The following LDLRAD4 variants were observed in gnomAD, a reference collection of about 807,000 sequenced individuals.
LDLRAD4 encodes the protein low density lipoprotein receptor class A domain containing 4.
Under a neutral mutation model 17.0 loss-of-function variants are expected in LDLRAD4, and 5 were observed. That is an observed-to-expected ratio of 0.29 (90% CI 0.15 to 0.62). The LOEUF is 0.62. Among genes scored for constraint, LDLRAD4 ranks in the 20% least tolerant of loss-of-function variants. LDLRAD4 has a pLI of 0.84. For missense variants in LDLRAD4, 340 were observed against 424.7 expected (o/e 0.80, Z 1.75); for synonymous variants, 168 against 171.8 (o/e 0.98, Z 0.17).
chr18:13,502,747 T>C (rs1026020038), intron 3 of LDLRAD4, among the ~76,000 whole-genome samples: 1 of 152,206 alleles, frequency 6.6e-6, no homozygotes, highest in South Asian at 2.1e-4. Flanking sequence ...GGACGTGATC[T>C]GTCTATGAAA....
At chr18:13,478,397 C>T (rs999474345) in intron 3 of LDLRAD4, among the ~76,000 whole-genome samples, 3 of 152,224 alleles carry the variant, frequency 2.0e-5, no homozygotes, top group Non-Finnish European at 2.9e-5. Flanking sequence ...TTCTGAACAT[C>T]AACTGGGTTC....
intron 1 of LDLRAD4, among the ~76,000 whole-genome samples, chr18:13,258,590 T>C (rs941743373): frequency 6.6e-6 from 1 of 152,226 alleles, no homozygotes; most frequent in African/African-American, 2.4e-5. Flanking sequence ...ATCTATTGAG[T>C]GTGAACCAAA....
At chr18:13,505,328 G>A (rs2093673649) in intron 3 of LDLRAD4, among the ~76,000 whole-genome samples, 1 of 152,106 alleles carries the variant, frequency 6.6e-6, no homozygotes, top group Non-Finnish European at 1.5e-5. Flanking sequence ...CAGTAATGTG[G>A]GACCATAAAA....
intron 3 of LDLRAD4, among the ~76,000 whole-genome samples, chr18:13,507,834 G>A (rs9952677): frequency 0.023 from 3,526 of 152,206 alleles, 156 homozygotes; most frequent in African/African-American, 0.081. Flanking sequence ...TAACCCTACC[G>A]TGGCCTCTAT....
chr18:13,300,031 G>T lies in LDLRAD4; in HGVS notation c.-383+21843G>T, dbSNP rs1599230870. On this transcript the variant is annotated intron_variant, in intron 1 of 5. Transcript: ENST00000359446. This position sits in a 1 kb window ranked among gnomAD's most constrained non-coding sequence, Gnocchi z 4.2. ...CACATCAGCCTCTCATGGCTCAGTT[G>T]CTGGCTTTGTGTGAACACAGAGACA... Among the ~76,000 whole-genome samples the T allele has an allele frequency of 6.6e-6, 1 of 152,296 alleles. No individual in the cohort carries two copies. Among genetic ancestry groups the T allele is most frequent in the African/African-American group, 2.4e-5 (1 of 41,570 alleles).
At chr18:13,268,305 C>G (rs1263186779) in intron 1 of LDLRAD4, among the ~76,000 whole-genome samples, 1 of 152,202 alleles carries the variant, frequency 6.6e-6, no homozygotes, top group African/African-American at 2.4e-5. Context: ...GCTTCCCTCC[C>G]CTGTTGGGAT....
At chr18:13,458,294 G>A (rs112555672) in intron 3 of LDLRAD4, among the ~76,000 whole-genome samples, 8 of 152,144 alleles carry the variant, frequency 5.3e-5, no homozygotes, top group Non-Finnish European at 7.3e-5. Context: ...AGAGCGGCGC[G>A]CTGCTTTAGA....
chr18:13,609,510 T>C (rs1477060085), intron 3 of LDLRAD4, among the ~76,000 whole-genome samples: 1 of 142,916 alleles, frequency 7.0e-6, no homozygotes, highest in Non-Finnish European at 1.5e-5. Flanking sequence ...ACAGGAGCGC[T>C]CATTATGCGT....
chr18:13,517,681 T>A (rs2093888130), intron 3 of LDLRAD4, among the ~76,000 whole-genome samples: 1 of 152,244 alleles, frequency 6.6e-6, no homozygotes, highest in African/African-American at 2.4e-5. Flanking sequence ...TCGCTCTAGC[T>A]ACCTCTAGGT....
At chr18:13,589,620 C>T (rs1390156509) in intron 3 of LDLRAD4, among the ~76,000 whole-genome samples, 1 of 152,156 alleles carries the variant, frequency 6.6e-6, no homozygotes, top group Non-Finnish European at 1.5e-5. Flanking sequence ...TCCCACCTTT[C>T]CCCCAGGCTG....
chr18:13,389,377 C>T (rs2086090909), intron 2 of LDLRAD4, among the ~76,000 whole-genome samples: 1 of 152,100 alleles, frequency 6.6e-6, no homozygotes, highest in Non-Finnish European at 1.5e-5. Flanking sequence ...ATACCCCTCC[C>T]CTCCAGGTGG....
chr18:13,340,862 G>T (rs1351682136), intron 1 of LDLRAD4, among the ~76,000 whole-genome samples: 2 of 151,934 alleles, frequency 1.3e-5, no homozygotes, highest in Non-Finnish European at 2.9e-5. Context: ...TATAATTTTA[G>T]CTTTCGTTTC....
intron 4 of LDLRAD4, chr18:13,641,904 A>G: frequency 1.0e-6 from 1 of 985,432 alleles, no homozygotes; most frequent in South Asian, 4.7e-5. Flanking sequence ...CCGCAGATGG[A>G]CCTGGCGGCG....
At chr18:13,339,724 T>G (rs1199068621) in intron 1 of LDLRAD4, among the ~76,000 whole-genome samples, 1 of 152,182 alleles carries the variant, frequency 6.6e-6, no homozygotes, top group African/African-American at 2.4e-5. Context: ...TAAGAATTGA[T>G]CAGTCTAGAT....
At chr18:13,540,462 CTTT>C (rs1010688814) in intron 3 of LDLRAD4, among the ~76,000 whole-genome samples, 9 of 148,954 alleles carry the variant, frequency 6.0e-5, no homozygotes, top group African/African-American at 7.8e-5. Flanking sequence ...CCTATATAAC[CTTT>C]TTTTCTTCTT....
intron 4 of LDLRAD4, chr18:13,641,988 G>A (rs985432001): frequency 1.7e-4 from 171 of 985,140 alleles, no homozygotes; most frequent in Non-Finnish European, 1.9e-4. Context: ...CTGGGCGGTG[G>A]GAGGGCCTCC....
intron 3 of LDLRAD4, among the ~76,000 whole-genome samples, chr18:13,594,665 C>CA (rs56035558): frequency 0.078 from 2,288 of 29,216 alleles, 156 homozygotes; most frequent in East Asian, 0.1. Context: ...GATTCCATCT[C>CA]AAAAAAAAAA....
chr18:13,593,212 C>A (rs972582089), intron 3 of LDLRAD4, among the ~76,000 whole-genome samples: 1 of 152,160 alleles, frequency 6.6e-6, no homozygotes, highest in Non-Finnish European at 1.5e-5. Flanking sequence ...ACCGAGGAGG[C>A]TGAGGCAGAA....
chr18:13,507,977 C>T (rs1451738188), intron 3 of LDLRAD4, among the ~76,000 whole-genome samples: 1 of 149,232 alleles, frequency 6.7e-6, no homozygotes, highest in Non-Finnish European at 1.5e-5. Flanking sequence ...AACAGTTAGC[C>T]AAGTTATGAA....
Sources: allele counts gnomAD v4.1 joint callset (sites outside exome capture counted in the v4.1 genomes callset), GRCh38; gene constraint gnomAD v4.1.1; non-coding constraint Gnocchi (gnomAD v3.1); transcripts MANE v1.5; gene names NCBI Gene and HGNC (gene_info 2026-07-23, HGNC 2026-07-21).